Variants in PON2 observed in about 807,000 individuals in gnomAD.
The protein encoded by PON2 is serum paraoxonase/arylesterase 2.
A neutral mutation model predicts 36.6 loss-of-function variants in PON2; 27 were observed. The ratio of observed to expected loss-of-function variants is 0.74; its 90% CI spans 0.54 to 1.02. PON2 has a LOEUF of 1.02. Among genes scored for constraint, PON2 ranks in the 50% least tolerant of loss-of-function variants. The pLI, the probability that PON2 is intolerant of heterozygous loss-of-function variation, is 0.00. For synonymous variants in PON2, 149 were observed against 156.3 expected (o/e 0.95, Z 0.35); for missense variants, 363 against 421.1 (o/e 0.86, Z 1.21).
At chr7:95,414,527 C>T (rs1242117993) in intron 3 of PON2, among the ~76,000 whole-genome samples, 1 of 152,120 alleles carries the variant, frequency 6.6e-6, no homozygotes, top group Non-Finnish European at 1.5e-5. Flanking sequence ...CCTCATCCCT[C>T]CTACTTCAGA....
Position 95,406,104 on chromosome 7 carries a change from T to G in PON2, c.906+15A>C, listed in dbSNP as rs766650800. On this transcript the variant is annotated intron_variant, in intron 8 of 8. Transcript: ENST00000222572. The stretch of plus-strand genomic sequence containing the variant: ...ACTTGAATAATTAAGTTTAAAAAAC[T>G]GAAAATATAAAAACCTCTGACGAGG... 6.2e-7 allele frequency: 1 copy of G among 1,612,160 alleles called. No homozygotes were observed. The highest frequency in any genetic ancestry group is 1.7e-5 in the Admixed American group (1 of 59,950).
intron 2 of PON2, 55 bp downstream of exon 2, chr7:95,424,460 T>C: frequency 7.0e-7 from 1 of 1,422,312 alleles, no homozygotes; most frequent in Non-Finnish European, 9.9e-7. Flanking sequence ...ATGAGTGTTT[T>C]AATGTTAATG....
chr7:95,429,239 T>C (rs1789385091), intron 1 of PON2, among the ~76,000 whole-genome samples: 2 of 147,300 alleles, frequency 1.4e-5, no homozygotes, highest in South Asian at 4.5e-4. Context: ...TGTATCCAAG[T>C]GTTCTCATTG....
At chr7:95,414,247 C>T (rs1451821179) in intron 3 of PON2, among the ~76,000 whole-genome samples, 2 of 151,984 alleles carry the variant, frequency 1.3e-5, no homozygotes, top group Non-Finnish European at 2.9e-5. Context: ...GTTAGATGAG[C>T]TAAAATGCTA....
intron 1 of PON2, among the ~76,000 whole-genome samples, chr7:95,431,172 G>A (rs1271367502): frequency 6.6e-6 from 1 of 152,146 alleles, no homozygotes; most frequent in Non-Finnish European, 1.5e-5. Context: ...GAAAAGGAGG[G>A]TGTGGAATCC....
Position 95,406,263 on chromosome 7 carries a change from T to C in PON2, c.778-16A>G, listed in dbSNP as rs759751439. The C allele has an allele frequency of 2.7e-5, 43 of 1,607,044 alleles. No homozygotes were observed. The highest frequency in any genetic ancestry group is 9.4e-5 in the African/African-American group (7 of 74,682). ...GCTCAAGTACCTTCCAAATGAGAAA[T>C]TGTCAAAATCTAAATGACATGAGAA... On this transcript the variant is annotated splice_polypyrimidine_tract_variant and intron_variant, in intron 7 of 8. Transcript: ENST00000222572.
chr7:95,410,916 G>T (rs2116460917), intron 5 of PON2, among the ~76,000 whole-genome samples: 1 of 152,132 alleles, frequency 6.6e-6, no homozygotes, highest in South Asian at 2.1e-4. Context: ...TTTTTGGAAG[G>T]AATGATTGGA....
intron 2 of PON2, 61 bp from the exon 3 acceptor site, chr7:95,416,358 A>G: frequency 1.3e-6 from 2 of 1,551,056 alleles, no homozygotes; most frequent in Non-Finnish European, 1.8e-6. Flanking sequence ...TACACAGAGC[A>G]TAACTGGGAC....
chr7:95,434,246 G>A (rs1218412383), intron 1 of PON2: 1 of 152,254 alleles, frequency 6.6e-6, no homozygotes, highest in African/African-American at 2.4e-5. Context: ...TATAAACGAT[G>A]ATGTCTACCT....
At chr7:95,408,116 G>A (rs1400063371) in intron 6 of PON2, among the ~76,000 whole-genome samples, 2 of 152,224 alleles carry the variant, frequency 1.3e-5, no homozygotes, top group Non-Finnish European at 1.5e-5. Flanking sequence ...GAATAATAAA[G>A]TGGCAACAAA....
intron 2 of PON2, among the ~76,000 whole-genome samples, chr7:95,423,110 G>T (rs1789231135): frequency 6.6e-6 from 1 of 151,978 alleles, no homozygotes; most frequent in Non-Finnish European, 1.5e-5. Flanking sequence ...GATTGCTTGA[G>T]GCCAGGAGTT....
chr7:95,418,634 G>A (rs17876114), intron 2 of PON2, among the ~76,000 whole-genome samples: 1,644 of 151,656 alleles, frequency 0.011, 28 homozygotes, highest in African/African-American at 0.037. Flanking sequence ...TGTCTTTTTC[G>A]TATTTCAACT....
intron 1 of PON2, among the ~76,000 whole-genome samples, chr7:95,432,241 C>T (rs527731864): frequency 6.6e-6 from 1 of 152,236 alleles, no homozygotes; most frequent in Admixed American, 6.5e-5. Context: ...GAGACCCTGT[C>T]TCTGCAAGAA....
chr7:95,428,854 T>C (rs1202655943), intron 1 of PON2, among the ~76,000 whole-genome samples: 1 of 152,196 alleles, frequency 6.6e-6, no homozygotes, highest in East Asian at 1.9e-4. Context: ...ATGACATTTA[T>C]TGAGCTGACT....
At chr7:95,406,089 T>G in intron 8 of PON2, 30 bp downstream of exon 8, 1 of 1,603,128 alleles carries the variant, frequency 6.2e-7, no homozygotes, top group Non-Finnish European at 8.5e-7. Context: ...ACTTGAATAA[T>G]TAAGTTTAAA....
intron 2 of PON2, among the ~76,000 whole-genome samples, chr7:95,421,271 A>G (rs1472977966): frequency 6.6e-6 from 1 of 152,232 alleles, no homozygotes; most frequent in Non-Finnish European, 1.5e-5. Context: ...GTGAGTTGTA[A>G]GAGGAATGCA....
intron 3 of PON2, among the ~76,000 whole-genome samples, chr7:95,414,035 C>T (rs1789001490): frequency 6.6e-6 from 1 of 152,164 alleles, no homozygotes; most frequent in South Asian, 2.1e-4. Context: ...TATTTTTTCT[C>T]TTTTTAAAAA....
intron 2 of PON2, chr7:95,418,208 G>C (rs1789115517): frequency 6.6e-6 from 1 of 152,102 alleles, no homozygotes; most frequent in Admixed American, 6.6e-5. Context: ...AGAAATTTTT[G>C]CTCCTCTAAT....
Position 95,405,483 on chromosome 7 carries a change from G to A in PON2, c.912C>T (p.Leu304=), listed in dbSNP as rs773022887. 2 of 1,612,396 alleles carry A rather than the reference G, an allele frequency of 1.2e-6. No individual in the cohort carries two copies. Among genetic ancestry groups the A allele is most frequent in the Non-Finnish European group, 1.7e-6 (2 of 1,178,560 alleles). The change falls in exon 9 of 9, where the codon CTC becomes CTT. Residue 304 remains leucine, a synonymous_variant. Transcript: ENST00000222572. ...DPNNPPSSEV[L]RIQNILSEKP... is the part of the protein sequence containing the mutation. The stretch of plus-strand genomic sequence containing the variant: ...TCTCAGATAGAATGTTCTGGATGCG[G>A]AGAACCTATTCAGGGGATACAAAGT...
Sources: allele counts gnomAD v4.1 joint callset (sites outside exome capture counted in the v4.1 genomes callset), GRCh38; gene constraint gnomAD v4.1.1; transcripts MANE v1.5; gene names NCBI Gene and HGNC (gene_info 2026-07-23, HGNC 2026-07-21).